BMPER: variants seen among roughly 807,000 people sequenced by gnomAD.
BMPER encodes the protein BMP-binding endothelial regulator protein.
A neutral mutation model predicts 87.3 loss-of-function variants in BMPER; 45 were observed. The ratio of observed to expected loss-of-function variants is 0.52; its 90% CI spans 0.41 to 0.66. BMPER has a LOEUF of 0.66. Among genes scored for constraint, BMPER ranks in the 30% least tolerant of loss-of-function variants. BMPER has a pLI of 0.00. For missense variants in BMPER, 784 were observed against 867.5 expected (o/e 0.90, Z 1.21); for synonymous variants, 326 against 316.2 (o/e 1.03, Z -0.33).
At chr7:34,040,627 A>G (rs867255429) in intron 6 of BMPER, among the ~76,000 whole-genome samples, 8 of 152,154 alleles carry the variant, frequency 5.3e-5, no homozygotes, top group African/African-American at 1.9e-4. Flanking sequence ...AAGCATGGAA[A>G]TGGCCCATTA....
At chr7:33,938,824 A>C (rs1784677081) in intron 3 of BMPER, among the ~76,000 whole-genome samples, 1 of 152,142 alleles carries the variant, frequency 6.6e-6, no homozygotes, top group African/African-American at 2.4e-5. Flanking sequence ...TCAGGAGTTC[A>C]AGACCAGCCT....
At chr7:34,074,100 T>C (rs1422485546) in intron 11 of BMPER, among the ~76,000 whole-genome samples, 2 of 152,246 alleles carry the variant, frequency 1.3e-5, no homozygotes, top group Non-Finnish European at 2.9e-5. Flanking sequence ...CATGGAATTA[T>C]GGAAAATATG....
chr7:34,082,757 A>G (rs1426304410), intron 12 of BMPER, among the ~76,000 whole-genome samples: 2 of 152,160 alleles, frequency 1.3e-5, no homozygotes, highest in African/African-American at 4.8e-5. Context: ...CAAATTTAGT[A>G]TAGCATTGTC....
chr7:34,055,872 G>A (rs189420510), intron 9 of BMPER, among the ~76,000 whole-genome samples: 91 of 152,322 alleles, frequency 6.0e-4, no homozygotes, highest in African/African-American at 2.1e-3. Flanking sequence ...AGGACCCCAA[G>A]TGGGAAACAG....
chr7:34,100,210 A>G (rs745706921), intron 13 of BMPER, among the ~76,000 whole-genome samples: 2 of 152,208 alleles, frequency 1.3e-5, no homozygotes, highest in African/African-American at 2.4e-5. Context: ...CATTCAACCA[A>G]TATCCTCAGA....
intron 3 of BMPER, among the ~76,000 whole-genome samples, chr7:33,948,327 T>G (rs1784935717): frequency 6.6e-6 from 1 of 152,230 alleles, no homozygotes; most frequent in Admixed American, 6.5e-5. Context: ...AATCTTAGGC[T>G]TTCAGAGATA....
At chr7:33,970,063 A>G (rs1052014407) in intron 4 of BMPER, among the ~76,000 whole-genome samples, 12 of 152,258 alleles carry the variant, frequency 7.9e-5, no homozygotes, top group African/African-American at 2.4e-4. Flanking sequence ...CTTAAAAACT[A>G]GATTTAAAAG....
chr7:34,133,567 C>G (rs1396323339), intron 13 of BMPER, among the ~76,000 whole-genome samples: 2 of 152,160 alleles, frequency 1.3e-5, no homozygotes, highest in African/African-American at 4.8e-5. Flanking sequence ...CTGTGAGTCA[C>G]TCCAGCAAAT....
chr7:34,075,673 C>T lies in BMPER; in HGVS notation c.1079-3184C>T, dbSNP rs558105474. Among the ~76,000 whole-genome samples the T allele has an allele frequency of 2.0e-5, 3 of 152,350 alleles. No homozygotes were observed. The East Asian group carries it at 5.8e-4, about 29-fold the overall frequency. On this transcript the variant is annotated intron_variant, in intron 11 of 14. Transcript: ENST00000649409. ...CCCTCCCTCTGCCTATCACGCCAGG[C>T]TTTCCAGAAGAGTGTGACTGGACAT...
chr7:33,952,064 C>T (rs1785041136), intron 3 of BMPER, among the ~76,000 whole-genome samples: 1 of 152,190 alleles, frequency 6.6e-6, no homozygotes, highest in African/African-American at 2.4e-5. Context: ...AATAAACTTA[C>T]TGATCACCTA....
At chr7:33,991,328 T>C (rs886142758) in intron 6 of BMPER, among the ~76,000 whole-genome samples, 174 of 152,218 alleles carry the variant, frequency 1.1e-3, no homozygotes, top group African/African-American at 4.0e-3. Flanking sequence ...TTCAACTTCT[T>C]CCTGGTTTAG....
At position 34,028,601 on chromosome 7, in the gene BMPER, G is replaced by GTTTTTTTTTTTTT; in HGVS notation, c.577-17685_577-17673dup. Among the ~76,000 whole-genome samples the GTTTTTTTTTTTTT allele has an allele frequency of 1.5e-3, 54 of 36,062 alleles. 7 individuals carry two copies. Among genetic ancestry groups the GTTTTTTTTTTTTT allele is most frequent in the Admixed American group, 2.9e-3 (5 of 1,750 alleles). The allele number at this position is 36,062 out of a possible 152,430, so 23.7% of individuals were successfully genotyped here. A position where few individuals can be genotyped will look rare whatever the true frequency, so the allele number is the denominator to read the frequency against. ...ACATACAGTCCAAATCATTTTTTCT[G>GTTTTTTTTTTTTT]TTTTTTTTTTTTTTTTTTTTTTTTT... On this transcript the variant is annotated intron_variant, in intron 6 of 14. Coordinates refer to ENST00000649409, the MANE Select transcript of BMPER (RefSeq NM_001365308.1).
chr7:34,029,411 G>A (rs993718306), intron 6 of BMPER, among the ~76,000 whole-genome samples: 6 of 152,108 alleles, frequency 3.9e-5, no homozygotes, highest in African/African-American at 1.4e-4. Flanking sequence ...CTCATCAGAA[G>A]AGCATGGCCC....
chr7:34,153,240 G>T lies in BMPER; in HGVS notation c.2025G>T (p.Arg675Ser), dbSNP rs550539091. 6.2e-7 allele frequency: 1 copy of T among 1,613,920 alleles called. No homozygotes were observed. Among genetic ancestry groups the T allele is most frequent in the Non-Finnish European group, 8.5e-7 (1 of 1,179,978 alleles). The change falls in exon 15 of 15, where the codon AGG becomes AGT. Residue 675 changes from arginine to serine, a missense_variant. By Grantham distance (110) the Arg-to-Ser change is moderately radical (BLOSUM62 -1). Transcript: ENST00000649409. Reference protein sequence around the residue: ...CPANLVLHKGRCIKPVLCPQR With the variant: ...CPANLVLHKGSCIKPVLCPQR ...CAAACTTGGTCCTTCACAAGGGAAG[G>T]TGCATCAAGCCAGTCCTTTGTCCCC...
chr7:33,910,778 C>T (rs1297980053), intron 2 of BMPER, among the ~76,000 whole-genome samples: 2 of 152,186 alleles, frequency 1.3e-5, no homozygotes, highest in East Asian at 3.8e-4. Flanking sequence ...CTGCTGTCTT[C>T]TACTTTTTTA....
intron 10 of BMPER, 48 bp from the exon 11 acceptor site, chr7:34,061,954 T>G: frequency 6.7e-7 from 1 of 1,482,898 alleles, no homozygotes; most frequent in Non-Finnish European, 9.2e-7. Flanking sequence ...GACCCTGTTT[T>G]TTTTTTTTTT....
At chr7:34,066,902 T>C (rs546873126) in intron 11 of BMPER, among the ~76,000 whole-genome samples, 1 of 152,108 alleles carries the variant, frequency 6.6e-6, no homozygotes, top group African/African-American at 2.4e-5. Context: ...AGAAAATTAA[T>C]CTCTCAGCCA....
At chr7:34,038,342 C>A (rs1787740881) in intron 6 of BMPER, among the ~76,000 whole-genome samples, 1 of 152,200 alleles carries the variant, frequency 6.6e-6, no homozygotes, top group African/African-American at 2.4e-5. Context: ...AGGGGGCCAT[C>A]AGCCATGGAA....
intron 2 of BMPER, among the ~76,000 whole-genome samples, chr7:33,919,100 A>G (rs992207530): frequency 1.3e-5 from 2 of 152,146 alleles, no homozygotes; most frequent in African/African-American, 4.8e-5. Context: ...TTTCTGTTTC[A>G]TGTAAACCAT....
Sources: allele counts gnomAD v4.1 joint callset (sites outside exome capture counted in the v4.1 genomes callset), GRCh38; gene constraint gnomAD v4.1.1; transcripts MANE v1.5; gene names NCBI Gene and HGNC (gene_info 2026-07-23, HGNC 2026-07-21).